The following NAV2 variants were observed in gnomAD, a reference collection of about 807,000 sequenced individuals.
The protein encoded by NAV2 is neuron navigator 2.
A neutral mutation model predicts 223.2 loss-of-function variants in NAV2; 54 were observed. The observed-to-expected ratio is 0.24, with a 90% CI of 0.19 to 0.30. The LOEUF is 0.30. Ranked by LOEUF, NAV2 falls within the 10% of genes least tolerant of loss-of-function variation. NAV2 has a pLI of 1.00. For missense variants in NAV2, 2,806 were observed against 3,147.5 expected (o/e 0.89, Z 2.60); for synonymous variants, 1,279 against 1,239.3 (o/e 1.03, Z -0.67).
intron 1 of NAV2, among the ~76,000 whole-genome samples, chr11:19,435,271 T>G (rs1446780011): frequency 1.3e-5 from 2 of 152,190 alleles, no homozygotes; most frequent in Non-Finnish European, 2.9e-5. Context: ...CATTTTACTC[T>G]TTCTTCTATG....
chr11:19,962,509 C>T (rs1285759229), intron 10 of NAV2, among the ~76,000 whole-genome samples: 3 of 152,156 alleles, frequency 2.0e-5, no homozygotes, highest in Non-Finnish European at 4.4e-5. Context: ...AGGGTCAACA[C>T]ATCAGCTTTA....
intron 11 of NAV2, among the ~76,000 whole-genome samples, chr11:20,025,701 C>CT (rs1259224689): frequency 5.9e-5 from 9 of 152,284 alleles, no homozygotes; most frequent in East Asian, 1.9e-4. Flanking sequence ...CCCTTGGAGC[C>CT]TTTTTTATGC....
intron 7 of NAV2, among the ~76,000 whole-genome samples, chr11:19,935,697 C>T (rs912562603): frequency 6.6e-6 from 1 of 151,896 alleles, no homozygotes; most frequent in Non-Finnish European, 1.5e-5. Context: ...TTGCATTCTC[C>T]TTCAGTGAGG....
intron 1 of NAV2, among the ~76,000 whole-genome samples, chr11:19,581,140 G>C (rs1369846946): frequency 6.6e-6 from 1 of 152,096 alleles, no homozygotes; most frequent in African/African-American, 2.4e-5. Context: ...TCGATTTGTA[G>C]GAGTTCCTTA....
At chr11:19,507,703 A>G (rs1363126588) in intron 1 of NAV2, among the ~76,000 whole-genome samples, 8 of 152,244 alleles carry the variant, frequency 5.3e-5, no homozygotes. Flanking sequence ...TGCCGATGAT[A>G]TTAATGAAAT....
chr11:19,998,960 C>T lies in NAV2; in HGVS notation c.2768+14713C>T, dbSNP rs1442546520. On this transcript the variant is annotated intron_variant, in intron 11 of 37. Coordinates refer to ENST00000349880, the MANE Select transcript of NAV2 (RefSeq NM_145117.5). The surrounding 1 kb of genome is among the most constrained non-coding windows in gnomAD (Gnocchi z 5.0). Reference sequence around the variant, plus strand: ...ACAGAAACCAGGTCAGCTCCGTTTGCAGGTGAATCCCCTCTCCCAGCACAG... The same window carrying T: ...ACAGAAACCAGGTCAGCTCCGTTTGTAGGTGAATCCCCTCTCCCAGCACAG... Among the ~76,000 whole-genome samples, 1 of 152,238 alleles carries T rather than the reference C, an allele frequency of 6.6e-6. No individual in the cohort carries two copies. Among genetic ancestry groups the T allele is most frequent in the Non-Finnish European group, 1.5e-5 (1 of 68,048 alleles).
intron 1 of NAV2, among the ~76,000 whole-genome samples, chr11:19,794,329 C>G (rs916167084): frequency 2.6e-5 from 4 of 152,172 alleles, no homozygotes; most frequent in Non-Finnish European, 5.9e-5. Flanking sequence ...ATATCGTTGT[C>G]ACATTGGTTA....
intron 1 of NAV2, among the ~76,000 whole-genome samples, chr11:19,714,702 C>G (rs1378718525): frequency 6.6e-6 from 1 of 152,068 alleles, no homozygotes; most frequent in Non-Finnish European, 1.5e-5. Flanking sequence ...GCCCGAGTGA[C>G]GGGGCGTGGG....
chr11:20,071,454 A>G (rs1428444024), intron 22 of NAV2, among the ~76,000 whole-genome samples: 1 of 152,216 alleles, frequency 6.6e-6, no homozygotes, highest in African/African-American at 2.4e-5. Context: ...AAAATGATTT[A>G]TAATCCTTTG....
chr11:19,457,303 T>C (rs1851989809), intron 1 of NAV2, among the ~76,000 whole-genome samples: 1 of 152,170 alleles, frequency 6.6e-6, no homozygotes, highest in Non-Finnish European at 1.5e-5. Flanking sequence ...CTAATTCACA[T>C]TGGGTGGTCA....
intron 36 of NAV2, among the ~76,000 whole-genome samples, chr11:20,112,131 C>T (rs1212645215): frequency 6.6e-6 from 1 of 152,214 alleles, no homozygotes; most frequent in Non-Finnish European, 1.5e-5. Context: ...CTCAAAATTG[C>T]ACAAATGGTT....
chr11:19,636,753 A>T (rs527929145), intron 1 of NAV2, among the ~76,000 whole-genome samples: 77 of 152,276 alleles, frequency 5.1e-4, no homozygotes, highest in African/African-American at 1.9e-3. Context: ...TATAGGCGTG[A>T]GCCACCGCAC....
intron 1 of NAV2, among the ~76,000 whole-genome samples, chr11:19,443,049 G>A (rs4757811): frequency 0.32 from 48,030 of 151,942 alleles, 7,930 homozygotes; most frequent in East Asian, 0.54. Context: ...GCCAGGTAAC[G>A]TAGTAAAAAG....
At chr11:19,899,453 AG>A (rs2042264020) in intron 6 of NAV2, among the ~76,000 whole-genome samples, 1 of 152,216 alleles carries the variant, frequency 6.6e-6, no homozygotes, top group South Asian at 2.1e-4. Context: ...AAATTAATTC[AG>A]TCATCCAAGT....
chr11:19,427,924 G>A (rs1296020165), intron 1 of NAV2, among the ~76,000 whole-genome samples: 1 of 151,808 alleles, frequency 6.6e-6, no homozygotes, highest in Non-Finnish European at 1.5e-5. Flanking sequence ...TTTCTGATAT[G>A]AGTTTGAATC....
intron 2 of NAV2, among the ~76,000 whole-genome samples, chr11:19,842,562 A>G (rs2060567612): frequency 6.6e-6 from 1 of 152,186 alleles, no homozygotes; most frequent in Non-Finnish European, 1.5e-5. Context: ...CCTAAAGCAC[A>G]ATCACAGCTA....
In NAV2 at chr11:20,120,583, T is replaced by C. The variant is rs2063425977; in HGVS notation, c.*2325T>C. On this transcript the variant is annotated 3_prime_UTR_variant, in exon 38 of 38. Transcript: ENST00000349880. ...CCTTGTGAGTAGACACCTGCCAATA[T>C]TGTTTGAAACCTTTTTTTAATATGA... is the stretch of plus-strand genomic sequence containing the variant. 1 of 152,652 alleles carries C rather than the reference T, an allele frequency of 6.6e-6. No homozygotes were observed. Among genetic ancestry groups the C allele is most frequent in the African/African-American group, 2.4e-5 (1 of 41,456 alleles). 9.5% of individuals were successfully genotyped at this position (152,652 alleles called of 1,614,324 possible). A position where few individuals can be genotyped will look rare whatever the true frequency, so the allele number is the denominator to read the frequency against.
At chr11:19,632,495 A>T (rs2047375617) in intron 1 of NAV2, among the ~76,000 whole-genome samples, 1 of 152,182 alleles carries the variant, frequency 6.6e-6, no homozygotes, top group Admixed American at 6.5e-5. Flanking sequence ...ACGAGCTTTT[A>T]TCAAGTTTAG....
At chr11:19,635,531 G>A (rs1027895521) in intron 1 of NAV2, among the ~76,000 whole-genome samples, 1 of 152,178 alleles carries the variant, frequency 6.6e-6, no homozygotes, top group Non-Finnish European at 1.5e-5. Context: ...CCAAGATTGG[G>A]CAGCTGCATC....
Sources: gnomAD v4.1 joint callset for allele counts (sites outside exome capture counted in the v4.1 genomes callset) on GRCh38, gnomAD v4.1.1 for gene constraint, Gnocchi (gnomAD v3.1) non-coding constraint, MANE v1.5 for transcripts, NCBI Gene and HGNC (gene_info 2026-07-23, HGNC 2026-07-21) for gene names.